The following PPP2R3A variants were observed in gnomAD, a reference collection of about 807,000 sequenced individuals.
PPP2R3A encodes serine/threonine-protein phosphatase 2A regulatory subunit B'' subunit alpha.
In PPP2R3A, 80 loss-of-function variants were observed where a neutral mutation model predicts 106.9. The observed-to-expected ratio is 0.75, with a 90% confidence interval of 0.62 to 0.90. The LOEUF (loss-of-function observed/expected upper bound fraction) is 0.90. Among genes scored for constraint, PPP2R3A ranks in the 40% least tolerant of loss-of-function variants. The pLI is 0.00. For synonymous variants in PPP2R3A, 483 were observed against 468.3 expected (o/e 1.03, Z -0.41); for missense variants, 1,386 against 1,350.4 (o/e 1.03, Z -0.41).
chr3:136,023,419 A>G (rs914055107), intron 2 of PPP2R3A, among the ~76,000 whole-genome samples: 2 of 152,122 alleles, frequency 1.3e-5, no homozygotes, highest in Non-Finnish European at 2.9e-5. Flanking sequence ...GACCTTCTGG[A>G]CCTGGAGTAC....
At chr3:135,986,706 C>G (rs1932932390) in intron 1 of PPP2R3A, among the ~76,000 whole-genome samples, 1 of 152,142 alleles carries the variant, frequency 6.6e-6, no homozygotes, top group Non-Finnish European at 1.5e-5. Flanking sequence ...TATCCATATA[C>G]TCTGCTTTCT....
intron 13 of PPP2R3A, among the ~76,000 whole-genome samples, chr3:136,118,905 A>G (rs1937883279): frequency 6.6e-6 from 1 of 152,228 alleles, no homozygotes; most frequent in Non-Finnish European, 1.5e-5. Flanking sequence ...AAGAGCCCAC[A>G]TTGCCAAGCC....
intron 2 of PPP2R3A, among the ~76,000 whole-genome samples, chr3:136,014,966 A>C (rs929394901): frequency 2.6e-5 from 4 of 152,132 alleles, no homozygotes; most frequent in African/African-American, 9.7e-5. Context: ...TGGGTTTGTC[A>C]TAGATAGCTT....
In PPP2R3A at chr3:136,001,233, G is replaced by C. The variant is rs1244951306; in HGVS notation, c.-266G>C. The C allele has an allele frequency of 6.6e-6, 3 of 457,132 alleles. No individual in the cohort carries two copies. Among genetic ancestry groups the C allele is most frequent in the Non-Finnish European group, 1.1e-5 (3 of 262,096 alleles). 28.3% of individuals were successfully genotyped at this position (457,132 alleles called of 1,614,324 possible). The stretch of plus-strand genomic sequence containing the variant: ...GATATTCTTTCATCAAAATAATTCT[G>C]CAGTATCATAATATTACTAAATAAA... On this transcript the variant is annotated 5_prime_UTR_variant, in exon 2 of 14. Coordinates refer to ENST00000264977, the MANE Select transcript of PPP2R3A (RefSeq NM_002718.5).
chr3:136,076,616 T>G (rs1287455060), intron 6 of PPP2R3A, among the ~76,000 whole-genome samples: 1 of 152,100 alleles, frequency 6.6e-6, no homozygotes, highest in African/African-American at 2.4e-5. Context: ...CTTTCAAACC[T>G]CATTATTTTA....
chr3:136,057,213 T>A (rs916626600), intron 5 of PPP2R3A, among the ~76,000 whole-genome samples: 1 of 152,140 alleles, frequency 6.6e-6, no homozygotes, highest in Non-Finnish European at 1.5e-5. Flanking sequence ...AATAAGTATA[T>A]CTGCACTCTG....
chr3:136,112,863 T>G (rs2107985584), intron 13 of PPP2R3A, among the ~76,000 whole-genome samples: 1 of 152,280 alleles, frequency 6.6e-6, no homozygotes, highest in South Asian at 2.1e-4. Context: ...CTGGGCGCGG[T>G]GGCTCATGCC....
chr3:136,002,798 G>C lies in PPP2R3A; in HGVS notation c.1300G>C (p.Glu434Gln), dbSNP rs142398240. 1.9e-6 allele frequency: 3 copies of C among 1,613,742 alleles called. No individual in the cohort carries two copies. Among genetic ancestry groups the C allele is most frequent in the Non-Finnish European group, 2.5e-6 (3 of 1,179,756 alleles). ...KKALDKGQKT[E>Q]NGPSHELLKV... Reference sequence around the variant, plus strand: ...AGCATTAGATAAAGGACAAAAGACAGAGAATGGACCTAGTCATGAGTTATT... The same window carrying C: ...AGCATTAGATAAAGGACAAAAGACACAGAATGGACCTAGTCATGAGTTATT... Residue 434 changes from glutamate (E) to glutamine (Q), a missense_variant, in exon 2 of 14, where the codon GAG (glutamate) becomes CAG (glutamine). Physicochemically the swap from Glu to Gln is conservative, Grantham distance 29 (BLOSUM62 2). Transcript: ENST00000264977.
At chr3:135,970,125 T>G (rs1937203057) in intron 1 of PPP2R3A, among the ~76,000 whole-genome samples, 1 of 152,204 alleles carries the variant, frequency 6.6e-6, no homozygotes, top group Admixed American at 6.5e-5. Context: ...TTTGCTGCCT[T>G]GGACGAATCT....
intron 3 of PPP2R3A, among the ~76,000 whole-genome samples, chr3:136,033,793 T>A (rs1321233542): frequency 6.6e-6 from 1 of 152,176 alleles, no homozygotes; most frequent in East Asian, 1.9e-4. Flanking sequence ...TAGTTAGTCT[T>A]GCTAATGGTC....
In PPP2R3A at chr3:136,104,983, C is replaced by G. The variant is rs1937479499; in HGVS notation, c.3223-1233C>G. On this transcript the variant is annotated intron_variant, in intron 12 of 13. Coordinates refer to ENST00000264977, the MANE Select transcript of PPP2R3A (RefSeq NM_002718.5). ...AATGGTATAATTATTGATATTTGTT[C>G]TGATCTACAAAGAACATTATTAGTC... Among the ~76,000 whole-genome samples the G allele has an allele frequency of 2.0e-5, 3 of 151,966 alleles. No individual in the cohort carries two copies. The South Asian group carries it at 6.2e-4, about 31-fold the overall frequency.
intron 2 of PPP2R3A, chr3:136,023,129 C>G (rs1261969511): frequency 6.2e-7 from 1 of 1,613,492 alleles, no homozygotes; most frequent in Admixed American, 1.7e-5. Flanking sequence ...AGCTAGCTTT[C>G]CTGGCAAGGG....
intron 1 of PPP2R3A, among the ~76,000 whole-genome samples, chr3:135,981,893 G>A (rs889337921): frequency 6.6e-6 from 1 of 151,706 alleles, no homozygotes; most frequent in African/African-American, 2.4e-5. Flanking sequence ...GGCCATGGGA[G>A]AGGAGTTTAG....
chr3:136,103,085 G>A lies in PPP2R3A; in HGVS notation c.3104-173G>A, dbSNP rs192712744. ...GAATTTTACCTCAATAAAAGAAATGGGTTTGAGAAATTGATACCCTTGAAA... is the reference window on the plus strand; with the variant it reads ...GAATTTTACCTCAATAAAAGAAATGAGTTTGAGAAATTGATACCCTTGAAA... On this transcript the variant is annotated intron_variant, in intron 11 of 13. Coordinates refer to ENST00000264977, the MANE Select transcript of PPP2R3A (RefSeq NM_002718.5). Among the ~76,000 whole-genome samples, 853 of 152,130 alleles carry A rather than the reference G, an allele frequency of 5.6e-3. 8 individuals are homozygous for A. The highest frequency in any genetic ancestry group is 8.0e-3 in the Non-Finnish European group (546 of 67,996).
Position 136,147,762 on chromosome 3 carries a change from A to G in PPP2R3A, c.*2596A>G, listed in dbSNP as rs1490688860. The G allele has an allele frequency of 2.6e-5, 4 of 152,234 alleles. No homozygotes were observed. Among genetic ancestry groups the G allele is most frequent in the Non-Finnish European group, 5.9e-5 (4 of 68,042 alleles). 9.4% of individuals were successfully genotyped at this position (152,234 alleles called of 1,614,324 possible). On this transcript the variant is annotated 3_prime_UTR_variant, in exon 14 of 14. Transcript: ENST00000264977. ...GCATCTTGTCACTGTGTACCATTCA[A>G]AGTGTTTATAAAACTCTAGATTCAT...
chr3:136,040,592 G>C (rs764395717), intron 3 of PPP2R3A, among the ~76,000 whole-genome samples: 3 of 152,200 alleles, frequency 2.0e-5, no homozygotes, highest in Non-Finnish European at 4.4e-5. Context: ...CTGTCAGGTT[G>C]GAGGAGGGAA....
rs1434632719 is a variant in PPP2R3A at position 136,057,621 on chromosome 3, A to C, written c.2469+8260A>C. Among the ~76,000 whole-genome samples the C allele has an allele frequency of 6.6e-5, 10 of 152,168 alleles. 1 individual carries two copies. The highest frequency in any genetic ancestry group is 6.5e-4 in the Admixed American group (10 of 15,270). The stretch of plus-strand genomic sequence containing the variant: ...AAATTTTATATTTATATTTTACCTC[A>C]ATACATTTTTAAATGGTGAAGAATC... On this transcript the variant is annotated intron_variant, in intron 5 of 13. Coordinates refer to ENST00000264977, the MANE Select transcript of PPP2R3A (RefSeq NM_002718.5).
chr3:136,022,706 A>G (rs1242952060), intron 2 of PPP2R3A: 3 of 968,048 alleles, frequency 3.1e-6, no homozygotes, highest in Admixed American at 5.6e-5. Context: ...AATGTTTCTA[A>G]CTTTGGTACA....
At chr3:136,038,619 G>A (rs920302747) in intron 3 of PPP2R3A, among the ~76,000 whole-genome samples, 20 of 152,114 alleles carry the variant, frequency 1.3e-4, no homozygotes, top group African/African-American at 3.1e-4. Flanking sequence ...CAGTTCCAGC[G>A]TCTCCGCACA....
Sources: allele counts gnomAD v4.1 joint callset (sites outside exome capture counted in the v4.1 genomes callset), GRCh38; gene constraint gnomAD v4.1.1; transcripts MANE v1.5; gene names NCBI Gene and HGNC (gene_info 2026-07-23, HGNC 2026-07-21).